The following FBXL22 variants were observed in gnomAD, a reference collection of about 807,000 sequenced individuals.
FBXL22 encodes the protein F-box and leucine rich repeat protein 22, also known as F-box and leucine-rich protein 22.
FBXL22 carries 13 observed loss-of-function variants against 11.7 expected under a neutral mutation model. That is an observed-to-expected ratio of 1.11 (90% CI 0.73 to 1.77). The LOEUF (loss-of-function observed/expected upper bound fraction) is 1.77. Among genes scored for constraint, FBXL22 ranks in the 40% most tolerant of loss-of-function variants. FBXL22 has a pLI of 0.00. For missense variants in FBXL22, 406 were observed against 320.4 expected, an observed-to-expected ratio of 1.27 and a Z score of -2.04; for synonymous variants, 160 against 144.1, an observed-to-expected ratio of 1.11 and a Z score of -0.79.
At chr15:63,601,773 T>A, downstream of FBXL22, 4 of 1,414,938 alleles carry the variant, frequency 2.8e-6, no homozygotes, top group Non-Finnish European at 3.7e-6. Flanking sequence ...ACTGTTCTCA[T>A]AAGGGAAAAA....
chr15:63,601,917 A>G, downstream of FBXL22: 3 of 576,104 alleles, frequency 5.2e-6, no homozygotes, highest in Admixed American at 3.7e-5. Context: ...GCTGGACATG[A>G]GCACAAGCCT....
chr15:63,601,697 G>A (rs1013486618), downstream of FBXL22: 1 of 1,600,910 alleles, frequency 6.2e-7, no homozygotes, highest in Admixed American at 1.7e-5. Flanking sequence ...CCGCACTCGC[G>A]ATTGTAGAAA....
At chr15:63,608,416 A>G in the FBXL22 span, among the ~76,000 whole-genome samples, 2 of 152,192 alleles carry the variant, frequency 1.3e-5, no homozygotes, top group Non-Finnish European at 2.9e-5. Context: ...TCCAACCCAG[A>G]GGGATCTCCT....
At chr15:63,602,811 C>T (rs373208334), downstream of FBXL22, among the ~76,000 whole-genome samples, 1 of 152,076 alleles carries the variant, frequency 6.6e-6, no homozygotes, top group Non-Finnish European at 1.5e-5. Flanking sequence ...CCGCGGACTA[C>T]AGGCATGGCT....
At chr15:63,600,023 A>G in intron 1 of FBXL22, 1 of 985,744 alleles carries the variant, frequency 1.0e-6, no homozygotes, top group Non-Finnish European at 1.2e-6. Flanking sequence ...AGGGTCCCCC[A>G]AGCTTTCTGG....
chr15:63,605,369 T>A (rs1326706295), downstream of FBXL22, among the ~76,000 whole-genome samples: 1 of 152,082 alleles, frequency 6.6e-6, no homozygotes. Context: ...CTCTTGGGAC[T>A]GGGGGATAGG....
chr15:63,599,086 A>C, intron 1 of FBXL22: 1 of 1,019,956 alleles, frequency 9.8e-7, no homozygotes, highest in Non-Finnish European at 1.5e-6. Context: ...CCCCAGCTCA[A>C]ATACTTCAAA....
downstream of FBXL22, among the ~76,000 whole-genome samples, chr15:63,603,462 C>A (rs2067396553): frequency 6.6e-6 from 1 of 152,182 alleles, no homozygotes; most frequent in African/African-American, 2.4e-5. Context: ...AGCATCTGCA[C>A]CTGCTTTGTT....
downstream of FBXL22, among the ~76,000 whole-genome samples, chr15:63,604,360 T>G (rs1480330873): frequency 6.6e-6 from 1 of 152,088 alleles, no homozygotes; most frequent in African/African-American, 2.4e-5. Flanking sequence ...TAGTAAGGGT[T>G]AAGTTCCCAG....
intron 1 of FBXL22, chr15:63,599,728 C>T: frequency 2.0e-6 from 2 of 987,224 alleles, no homozygotes; most frequent in Non-Finnish European, 2.4e-6. Context: ...AACGCTTCCC[C>T]AGCCCAGACT....
chr15:63,601,993 C>A (rs2067379934), downstream of FBXL22: 1 of 325,368 alleles, frequency 3.1e-6, no homozygotes, highest in Non-Finnish European at 5.6e-6. Context: ...GGCTCTCGGC[C>A]CCCCGGCAGC....
At position 63,599,176 on chromosome 15, in the gene FBXL22, G is replaced by GT. The variant is rs1253567787; in HGVS notation, c.353+1432dup. 3 of 1,528,436 alleles carry GT rather than the reference G, an allele frequency of 2.0e-6. No individual in the cohort carries two copies. In the Admixed American group the frequency reaches 5.9e-5, roughly 30 times the overall value. The allele number at this position is 1,528,436 out of a possible 1,614,324, so 94.7% of individuals were successfully genotyped here. ...CAGGGTAAGAGGATTAAATGACACA[G>GT]TGGCACCTGGCACATAGTAGGTACT... On this transcript the variant is annotated intron_variant, in intron 1 of 1. Coordinates refer to ENST00000638704, the MANE Select transcript of FBXL22 (RefSeq NM_001367807.1).
Position 63,601,176 on chromosome 15 carries a change from A to C in FBXL22, c.*137A>C. ...CCCGTCTGCACAGTGGGGATAAGAA[A>C]GCCTACCTCACGTTACGATTTTATA... On this transcript the variant is annotated 3_prime_UTR_variant, in exon 2 of 2. Transcript: ENST00000638704. 2.1e-6 allele frequency: 3 copies of C among 1,452,454 alleles called. No homozygotes were observed. Among genetic ancestry groups the C allele is most frequent in the Non-Finnish European group, 1.8e-6 (2 of 1,110,464 alleles). The allele number at this position is 1,452,454 out of a possible 1,614,324, so 90.0% of individuals were successfully genotyped here.
downstream of FBXL22, among the ~76,000 whole-genome samples, chr15:63,605,539 C>T (rs989294729): frequency 2.0e-5 from 3 of 152,140 alleles, no homozygotes; most frequent in Non-Finnish European, 1.5e-5. Flanking sequence ...AGGTTCCAAC[C>T]GTTAAGGAGA....
chr15:63,599,701 G>C (rs28526551), intron 1 of FBXL22: 2 of 987,020 alleles, frequency 2.0e-6, no homozygotes, highest in African/African-American at 3.5e-5. Context: ...TGCGGGGGAG[G>C]CTGGCAGGGA....
downstream of FBXL22, chr15:63,601,998 G>C: frequency 3.1e-6 from 1 of 326,146 alleles, no homozygotes; most frequent in South Asian, 4.2e-5. Context: ...TCGGCCCCCC[G>C]GCAGCCGCCT....
At chr15:63,600,190 C>G in intron 1 of FBXL22, 1 of 986,342 alleles carries the variant, frequency 1.0e-6, no homozygotes, top group Non-Finnish European at 1.2e-6. Context: ...CGCGTGCCCC[C>G]ACCGCCTTGA....
downstream of FBXL22, chr15:63,601,817 T>G (rs2067377632): frequency 1.5e-6 from 2 of 1,303,328 alleles, no homozygotes; most frequent in Non-Finnish European, 2.0e-6. Flanking sequence ...AGCCTCAAAC[T>G]AAACAAAAAC....
intron 1 of FBXL22, chr15:63,599,254 A>C: frequency 6.5e-7 from 1 of 1,529,604 alleles, no homozygotes; most frequent in South Asian, 1.2e-5. Context: ...GGTCGGGAGG[A>C]ATGGCTGAGG....
Sources: gnomAD v4.1 joint callset for allele counts (sites outside exome capture counted in the v4.1 genomes callset) on GRCh38, gnomAD v4.1.1 for gene constraint, MANE v1.5 for transcripts, NCBI Gene and HGNC (gene_info 2026-07-23, HGNC 2026-07-21) for gene names.